WNT3: variants seen among roughly 807,000 people sequenced by gnomAD.
WNT3 encodes the protein Wnt family member 3, also known as proto-oncogene Wnt-3.
A neutral mutation model predicts 34.2 loss-of-function variants in WNT3; 7 were observed. That is an observed-to-expected ratio of 0.20 (90% CI 0.12 to 0.38). WNT3 has a LOEUF of 0.38. Among genes scored for constraint, WNT3 ranks in the 10% least tolerant of loss-of-function variants. The pLI is 1.00. For missense variants in WNT3, 267 were observed against 499.8 expected (o/e 0.53, Z 4.44); for synonymous variants, 212 against 211.5 (o/e 1.00, Z -0.02).
intron 1 of WNT3, among the ~76,000 whole-genome samples, chr17:46,784,916 C>T (rs1382965324): frequency 6.6e-6 from 1 of 152,044 alleles, no homozygotes; most frequent in African/African-American, 2.4e-5. Context: ...GCTGGGACTA[C>T]AGGCACCCGC....
rs1164052424 is a variant in WNT3 at position 46,762,661 on chromosome 17, A to G, written c.*1969T>C. 3 of 151,768 alleles carry G rather than the reference A, an allele frequency of 2.0e-5. No individual in the cohort carries two copies. Among genetic ancestry groups the G allele is most frequent in the African/African-American group, 7.2e-5 (3 of 41,396 alleles). 9.4% of individuals were successfully genotyped at this position (151,768 alleles called of 1,614,324 possible). ...TAATAAATAATATTTATAAAAAGAG[A>G]CTTTTTGAATATAAAATCAAAAAGA... On this transcript the variant is annotated 3_prime_UTR_variant, in exon 5 of 5. Coordinates refer to ENST00000225512, the MANE Select transcript of WNT3 (RefSeq NM_030753.5).
intron 1 of WNT3, among the ~76,000 whole-genome samples, chr17:46,791,064 G>A (rs199495): frequency 0.32 from 48,322 of 151,964 alleles, 8,671 homozygotes; most frequent in Non-Finnish European, 0.42. Flanking sequence ...TTTGTGAGTA[G>A]GTGGAAGTTC....
At chr17:46,816,119 A>ACACACACGCACGCACG (rs1555689256) in intron 1 of WNT3, among the ~76,000 whole-genome samples, 129 of 150,666 alleles carry the variant, frequency 8.6e-4, no homozygotes, top group African/African-American at 2.9e-3. Context: ...ACGTACACAC[A>ACACACACGCACGCACG]CACACACACA....
intron 1 of WNT3, among the ~76,000 whole-genome samples, chr17:46,806,303 C>T (rs2084195958): frequency 1.4e-5 from 2 of 146,942 alleles, no homozygotes; most frequent in Non-Finnish European, 3.0e-5. Context: ...CTTCAGCCCT[C>T]GGTTGAAGCG....
chr17:46,766,998 G>A (rs914079544), intron 4 of WNT3, among the ~76,000 whole-genome samples: 2 of 152,200 alleles, frequency 1.3e-5, no homozygotes, highest in Non-Finnish European at 2.9e-5. Context: ...CGGTTGGCAA[G>A]TGGTAGGAGC....
At chr17:46,790,241 T>G (rs1024199504) in intron 1 of WNT3, among the ~76,000 whole-genome samples, 8 of 152,120 alleles carry the variant, frequency 5.3e-5, no homozygotes, top group Non-Finnish European at 1.2e-4. Context: ...AAACATGCAC[T>G]CAGCACCTGT....
intron 1 of WNT3, among the ~76,000 whole-genome samples, chr17:46,800,213 TG>T (rs1282757269): frequency 6.6e-6 from 1 of 152,126 alleles, no homozygotes; most frequent in African/African-American, 2.4e-5. Context: ...CAGGTTCAAG[TG>T]ATTCTCCTGC....
intron 1 of WNT3, among the ~76,000 whole-genome samples, chr17:46,778,968 A>G (rs1367303594): frequency 2.0e-5 from 3 of 151,296 alleles, no homozygotes; most frequent in African/African-American, 7.3e-5. Flanking sequence ...TTTGTTTCCA[A>G]TTCCATCTGG....
At chr17:46,799,466 G>A (rs990641259) in intron 1 of WNT3, among the ~76,000 whole-genome samples, 15 of 110,290 alleles carry the variant, frequency 1.4e-4, no homozygotes, top group African/African-American at 5.0e-4. Context: ...TTTTTTTTTC[G>A]AGATGGAGTC....
chr17:46,774,506 T>C (rs539652105), intron 1 of WNT3, among the ~76,000 whole-genome samples: 1 of 152,340 alleles, frequency 6.6e-6, no homozygotes, highest in Admixed American at 6.5e-5. Context: ...TGACCATCTT[T>C]CCAGTTTCCT....
intron 1 of WNT3, among the ~76,000 whole-genome samples, chr17:46,793,492 G>A (rs939157384): frequency 1.7e-4 from 26 of 152,000 alleles, no homozygotes; most frequent in African/African-American, 6.0e-4. Context: ...CAGATCTTCC[G>A]CACTGGAGGT....
chr17:46,774,619 C>G lies in WNT3; in HGVS notation c.81-710G>C, dbSNP rs115343265. On this transcript the variant is annotated intron_variant, in intron 1 of 4. Coordinates refer to ENST00000225512, the MANE Select transcript of WNT3 (RefSeq NM_030753.5). ...GTCAGAAGGGAGATCTCAGATCTCA[C>G]TGCCCACACCCAACACCAGGTGACT... Among the ~76,000 whole-genome samples, 449 of 152,348 alleles carry G rather than the reference C, an allele frequency of 2.9e-3. 1 individual carries two copies. Among genetic ancestry groups the G allele is most frequent in the African/African-American group, 0.01 (423 of 41,570 alleles).
chr17:46,769,847 G>C lies in WNT3; in HGVS notation c.524C>G (p.Ala175Gly). ...GVLVSREFAD[A>G]RENRPDARSA... is the part of the protein sequence containing the mutation. The stretch of plus-strand genomic sequence containing the variant: ...GCGCGCGTCCGGCCTGTTCTCGCGC[G>C]CATCCGCGAACTCCCTGGACACTAA... Residue 175 changes from alanine to glycine, a missense_variant, in exon 3 of 5, where the codon GCG becomes GGG. Coordinates refer to ENST00000225512, the MANE Select transcript of WNT3 (RefSeq NM_030753.5). The C allele has an allele frequency of 6.2e-7, 1 of 1,613,402 alleles. No individual in the cohort carries two copies. The highest frequency in any genetic ancestry group is 1.1e-5 in the South Asian group (1 of 91,068).
At chr17:46,817,944 T>G (rs2084374182) in intron 1 of WNT3, among the ~76,000 whole-genome samples, 1 of 151,976 alleles carries the variant, frequency 6.6e-6, no homozygotes. Context: ...TCAAGATGAA[T>G]CTAGAGCGGT....
intron 1 of WNT3, among the ~76,000 whole-genome samples, chr17:46,774,997 C>T (rs1000498857): frequency 6.6e-6 from 1 of 152,122 alleles, no homozygotes; most frequent in Non-Finnish European, 1.5e-5. Context: ...CAGCATTGGC[C>T]TAAGTCAAGT....
chr17:46,791,005 C>T (rs1470980566), intron 1 of WNT3, among the ~76,000 whole-genome samples: 1 of 152,208 alleles, frequency 6.6e-6, no homozygotes, highest in Admixed American at 6.5e-5. Context: ...CTTTTCCCTT[C>T]TTCCTGGTTT....
At chr17:46,808,022 T>G (rs977901245) in intron 1 of WNT3, among the ~76,000 whole-genome samples, 5 of 152,266 alleles carry the variant, frequency 3.3e-5, no homozygotes, top group Non-Finnish European at 7.3e-5. Context: ...TCTGCCCAGC[T>G]GCTTTCTAGC....
At chr17:46,776,014 A>G (rs2059409475) in intron 1 of WNT3, among the ~76,000 whole-genome samples, 1 of 152,166 alleles carries the variant, frequency 6.6e-6, no homozygotes, top group Non-Finnish European at 1.5e-5. Flanking sequence ...TTAATCCTCA[A>G]AATAGCCCCA....
At chr17:46,816,370 G>A (rs2084347065) in intron 1 of WNT3, among the ~76,000 whole-genome samples, 2 of 151,868 alleles carry the variant, frequency 1.3e-5, no homozygotes, top group Admixed American at 1.3e-4. Context: ...ACGCCCACAC[G>A]ATTTCACATC....
Sources: allele counts gnomAD v4.1 joint callset (sites outside exome capture counted in the v4.1 genomes callset), GRCh38; gene constraint gnomAD v4.1.1; transcripts MANE v1.5; gene names NCBI Gene and HGNC (gene_info 2026-07-23, HGNC 2026-07-21).